The following RPS6KA2 variants were observed in gnomAD, a reference collection of about 807,000 sequenced individuals.
The protein encoded by RPS6KA2 is ribosomal protein S6 kinase A2.
In RPS6KA2, 42 loss-of-function variants were observed where a neutral mutation model predicts 91.8. The ratio of observed to expected loss-of-function variants is 0.46; its 90% CI spans 0.36 to 0.59. The LOEUF is 0.59. Among genes scored for constraint, RPS6KA2 ranks in the 20% least tolerant of loss-of-function variants. RPS6KA2 has a pLI of 0.00. For missense variants in RPS6KA2, 798 were observed against 978.5 expected (o/e 0.82, Z 2.46); for synonymous variants, 414 against 393.6 (o/e 1.05, Z -0.61).
At chr6:166,757,259 A>G (rs1414901738) in intron 2 of RPS6KA2, among the ~76,000 whole-genome samples, 1 of 152,194 alleles carries the variant, frequency 6.6e-6, no homozygotes, top group Non-Finnish European at 1.5e-5. Flanking sequence ...GTGAAAATAC[A>G]CTTGGGAACA....
intron 2 of RPS6KA2, among the ~76,000 whole-genome samples, chr6:166,706,762 C>T (rs1789691651): frequency 1.3e-5 from 2 of 152,174 alleles, no homozygotes; most frequent in Admixed American, 1.3e-4. Context: ...ATCACACGCA[C>T]AGCCTGTTAC....
chr6:166,717,995 C>T (rs185450395), intron 2 of RPS6KA2, among the ~76,000 whole-genome samples: 1 of 152,032 alleles, frequency 6.6e-6, no homozygotes, highest in Non-Finnish European at 1.5e-5. Flanking sequence ...ATTACAGGTG[C>T]CCGCTACCAC....
chr6:166,834,657 T>A (rs78574794), intron 2 of RPS6KA2, among the ~76,000 whole-genome samples: 1 of 152,194 alleles, frequency 6.6e-6, no homozygotes, highest in African/African-American at 2.4e-5. Flanking sequence ...TGCCCATTTT[T>A]ATTGGGTGGT....
Position 166,563,221 on chromosome 6 carries a change from G to C in RPS6KA2, c.100-24437C>G, listed in dbSNP as rs1010419255. On this transcript the variant is annotated intron_variant, in intron 1 of 20. Coordinates refer to ENST00000265678, the MANE Select transcript of RPS6KA2 (RefSeq NM_021135.6). The surrounding 1 kb of genome is among the most constrained non-coding windows in gnomAD (Gnocchi z 4.1). ...GTAGTGGAGACACCGCCACGTCTGT[G>C]TCTCTGGAGAAGGAAGATGGAGAAG... 2.0e-5 allele frequency among the ~76,000 whole-genome samples: 3 copies of C among 152,208 alleles called. No homozygotes were observed. In the East Asian group the frequency reaches 5.8e-4, roughly 29 times the overall value.
chr6:166,694,129 G>A (rs1013038914), intron 2 of RPS6KA2, among the ~76,000 whole-genome samples: 1 of 152,254 alleles, frequency 6.6e-6, no homozygotes, highest in African/African-American at 2.4e-5. Context: ...CCAAAGGGCT[G>A]GATGGCCCAC....
At chr6:166,716,343 G>A (rs901306834) in intron 2 of RPS6KA2, among the ~76,000 whole-genome samples, 5 of 152,072 alleles carry the variant, frequency 3.3e-5, no homozygotes, top group African/African-American at 4.8e-5. Context: ...ATTTCCCACC[G>A]ACTCCAGGCC....
chr6:166,674,629 G>A (rs1479780143), intron 2 of RPS6KA2, among the ~76,000 whole-genome samples: 1 of 152,160 alleles, frequency 6.6e-6, no homozygotes, highest in African/African-American at 2.4e-5. Context: ...CAAAGATATG[G>A]GACATGAACC....
intron 20 of RPS6KA2, among the ~76,000 whole-genome samples, chr6:166,413,210 G>C (rs1042315830): frequency 4.9e-5 from 7 of 143,900 alleles, no homozygotes; most frequent in African/African-American, 1.8e-4. Context: ...CATTCTGACA[G>C]TGAGGCCAGG....
chr6:166,789,911 G>GA (rs1779037742), intron 2 of RPS6KA2, among the ~76,000 whole-genome samples: 1 of 152,132 alleles, frequency 6.6e-6, no homozygotes, highest in Non-Finnish European at 1.5e-5. Context: ...CAAAGATGGG[G>GA]AAAAAACAGA....
intron 2 of RPS6KA2, among the ~76,000 whole-genome samples, chr6:166,654,444 A>C (rs1213491069): frequency 6.6e-6 from 1 of 152,198 alleles, no homozygotes; most frequent in African/African-American, 2.4e-5. Context: ...TCTAGCAGAT[A>C]CTTCACCCAA....
intron 1 of RPS6KA2, among the ~76,000 whole-genome samples, chr6:166,545,860 C>T (rs553811662): frequency 2.6e-5 from 4 of 152,302 alleles, no homozygotes; most frequent in African/African-American, 9.6e-5. Flanking sequence ...GATGGAGCGC[C>T]GCCACTTTTG....
chr6:166,855,477 A>AGAAGAAGAAGAG (rs1213768019), intron 2 of RPS6KA2, among the ~76,000 whole-genome samples: 2 of 53,134 alleles, frequency 3.8e-5, no homozygotes, highest in African/African-American at 1.1e-4. Context: ...AGGAAGAGGA[A>AGAAGAAGAAGAG]GAAGAAGAAG....
At chr6:166,501,994 T>C (rs1205292556) in intron 6 of RPS6KA2, among the ~76,000 whole-genome samples, 2 of 152,206 alleles carry the variant, frequency 1.3e-5, no homozygotes, top group Admixed American at 6.5e-5. Flanking sequence ...ATTTTACAAA[T>C]ATAAAATGTA....
intron 2 of RPS6KA2, among the ~76,000 whole-genome samples, chr6:166,663,033 C>G (rs553729259): frequency 6.6e-6 from 1 of 152,004 alleles, no homozygotes; most frequent in East Asian, 1.9e-4. Flanking sequence ...CTTCAAGCCT[C>G]CAGAACTGAG....
At chr6:166,686,570 C>A (rs955893211) in intron 2 of RPS6KA2, among the ~76,000 whole-genome samples, 1 of 152,202 alleles carries the variant, frequency 6.6e-6, no homozygotes, top group Non-Finnish European at 1.5e-5. Context: ...ATCCTGCAGC[C>A]CATGTGGCTT....
chr6:166,489,915 T>C (rs951332760), intron 9 of RPS6KA2, among the ~76,000 whole-genome samples: 2 of 152,074 alleles, frequency 1.3e-5, no homozygotes, highest in Non-Finnish European at 2.9e-5. Flanking sequence ...AACAGCTTTA[T>C]GACTCCTCCA....
chr6:166,649,869 C>A (rs745552074), intron 2 of RPS6KA2, among the ~76,000 whole-genome samples: 1 of 152,160 alleles, frequency 6.6e-6, no homozygotes, highest in Non-Finnish European at 1.5e-5. Context: ...TGTCTTTCTG[C>A]GAACTTTCAT....
intron 2 of RPS6KA2, among the ~76,000 whole-genome samples, chr6:166,779,935 G>A (rs1454234229): frequency 6.6e-6 from 1 of 152,170 alleles, no homozygotes; most frequent in East Asian, 1.9e-4. Context: ...GACTGGGAAG[G>A]AGATAGTTTT....
At position 166,412,914 on chromosome 6, in the gene RPS6KA2, G is replaced by A; in HGVS notation, c.2077-27C>T. On this transcript the variant is annotated intron_variant, in intron 20 of 20. Transcript: ENST00000265678. This position sits in a 1 kb window ranked among gnomAD's most constrained non-coding sequence, Gnocchi z 4.3. ...TGCAAAACAGAAGACAAGGGTGAGA[G>A]CCGCGGCGCCTCACTCCAGGGGTTG... is the stretch of plus-strand genomic sequence containing the variant. 1 of 1,536,406 alleles carries A rather than the reference G, an allele frequency of 6.5e-7. No individual in the cohort carries two copies. Among genetic ancestry groups the A allele is most frequent in the South Asian group, 1.2e-5 (1 of 83,206 alleles).
Sources: gnomAD v4.1 joint callset for allele counts (sites outside exome capture counted in the v4.1 genomes callset) on GRCh38, gnomAD v4.1.1 for gene constraint, Gnocchi (gnomAD v3.1) non-coding constraint, MANE v1.5 for transcripts, NCBI Gene and HGNC (gene_info 2026-07-23, HGNC 2026-07-21) for gene names.